ADD2: variants seen among roughly 807,000 people sequenced by gnomAD.
ADD2 encodes the protein adducin 2, also known as beta-adducin.
In ADD2, 23 loss-of-function variants were observed where a neutral mutation model predicts 83.0. The observed-to-expected ratio is 0.28, with a 90% CI of 0.20 to 0.39. ADD2 has a LOEUF of 0.39. Ranked by LOEUF, ADD2 falls within the 10% of genes least tolerant of loss-of-function variation. The pLI is 1.00. For missense variants in ADD2, 758 were observed against 944.9 expected (o/e 0.80, Z 2.59); for synonymous variants, 375 against 375.4 (o/e 1.00, Z 0.01).
intron 1 of ADD2, among the ~76,000 whole-genome samples, chr2:70,746,523 C>G (rs1363049255): frequency 6.6e-6 from 1 of 152,136 alleles, no homozygotes; most frequent in Non-Finnish European, 1.5e-5. Flanking sequence ...GATGAGGAAA[C>G]AGTAGGAGAG....
intron 1 of ADD2, among the ~76,000 whole-genome samples, chr2:70,751,428 T>C (rs1674502654): frequency 1.3e-5 from 2 of 152,188 alleles, no homozygotes; most frequent in South Asian, 4.1e-4. Flanking sequence ...AGTGTTACGT[T>C]TGGTGTTATG....
At chr2:70,760,328 T>G (rs1675018374) in intron 1 of ADD2, among the ~76,000 whole-genome samples, 1 of 152,182 alleles carries the variant, frequency 6.6e-6, no homozygotes, top group Non-Finnish European at 1.5e-5. Context: ...TGTCTAAAAC[T>G]GACCACTGTC....
Position 70,676,643 on chromosome 2 carries a change from G to T in ADD2, c.1593+153C>A. 1 of 1,481,876 alleles carries T rather than the reference G, an allele frequency of 6.7e-7. No individual in the cohort carries two copies. Among genetic ancestry groups the T allele is most frequent in the Non-Finnish European group, 9.0e-7 (1 of 1,108,100 alleles). 91.8% of individuals were successfully genotyped at this position (1,481,876 alleles called of 1,614,324 possible). On this transcript the variant is annotated intron_variant, in intron 13 of 15. Coordinates refer to ENST00000264436, the MANE Select transcript of ADD2 (RefSeq NM_001617.4). This position sits in a 1 kb window ranked among gnomAD's most constrained non-coding sequence, Gnocchi z 4.8. ...CTGGTCCTCACAGCACCCCTGTGAGGTTGGCCTCCATTTTGCAGCAAGAGC... is the reference window on the plus strand; with the variant it reads ...CTGGTCCTCACAGCACCCCTGTGAGTTTGGCCTCCATTTTGCAGCAAGAGC...
At chr2:70,700,406 A>G (rs1202969743) in intron 4 of ADD2, among the ~76,000 whole-genome samples, 7 of 152,194 alleles carry the variant, frequency 4.6e-5, no homozygotes, top group Non-Finnish European at 7.4e-5. Flanking sequence ...GAAATTAACA[A>G]TAAAATAATT....
At chr2:70,677,990 C>T (rs1041485663) in intron 11 of ADD2, 113 bp from the exon 12 acceptor site, 5 of 1,414,180 alleles carry the variant, frequency 3.5e-6, no homozygotes, top group Non-Finnish European at 2.9e-6. Flanking sequence ...GTCAGCAAGC[C>T]TACTCATAGA....
Position 70,683,654 on chromosome 2 carries a change from A to G in ADD2, c.1062T>C (p.Pro354=), listed in dbSNP as rs1287305473. Residue 354 remains proline (P), a synonymous_variant, in exon 10 of 16, where the codon CCT becomes CCC. Coordinates refer to ENST00000264436, the MANE Select transcript of ADD2 (RefSeq NM_001617.4). Reference sequence around the variant, plus strand: ...GCTCCCCCAGCCGACTCTTCTGCATAGGCCCAAAGGTGCTCCCGGCCCACT... The same window carrying G: ...GCTCCCCCAGCCGACTCTTCTGCATGGGCCCAAAGGTGCTCCCGGCCCACT... ...SVQWAGSTFG[P]MQKSRLGEHE... 6.2e-7 allele frequency: 1 copy of G among 1,613,998 alleles called. No homozygotes were observed. Among genetic ancestry groups the G allele is most frequent in the Non-Finnish European group, 8.5e-7 (1 of 1,179,994 alleles).
At chr2:70,716,845 G>A (rs1337117216) in intron 1 of ADD2, among the ~76,000 whole-genome samples, 4 of 152,212 alleles carry the variant, frequency 2.6e-5, no homozygotes, top group Non-Finnish European at 5.9e-5. Context: ...ATATAACTGA[G>A]TGGCTGGCCC....
chr2:70,714,639 T>C (rs560041709), intron 1 of ADD2, among the ~76,000 whole-genome samples: 1 of 152,242 alleles, frequency 6.6e-6, no homozygotes, highest in Non-Finnish European at 1.5e-5. Context: ...CCAGAGGTTC[T>C]ATTTTTAGCT....
intron 1 of ADD2, among the ~76,000 whole-genome samples, chr2:70,759,735 G>A (rs1029619542): frequency 6.6e-6 from 1 of 152,140 alleles, no homozygotes; most frequent in Non-Finnish European, 1.5e-5. Flanking sequence ...TCCACAAGCT[G>A]CCCAGTCTTC....
rs141802703 is a variant in ADD2, at chr2:70,686,622, T to C, written c.948+1402A>G. ...TGAAGAATCTTCTCCAGAAGGAAGA[T>C]AGGGAGCTCTTAAGAGTTCAGATGT... On this transcript the variant is annotated intron_variant, in intron 9 of 15. Coordinates refer to ENST00000264436, the MANE Select transcript of ADD2 (RefSeq NM_001617.4). Among the ~76,000 whole-genome samples, 12 of 152,270 alleles carry C rather than the reference T, an allele frequency of 7.9e-5. No individual in the cohort carries two copies. In the East Asian group the frequency reaches 2.3e-3, roughly 29 times the overall value.
intron 1 of ADD2, chr2:70,767,564 G>T (rs1675468709): frequency 9.0e-7 from 1 of 1,105,102 alleles, no homozygotes; most frequent in Non-Finnish European, 1.1e-6. Context: ...GCGAGGCGAG[G>T]CTTGCCGCCC....
In ADD2 at chr2:70,672,936, G is replaced by A. The variant is rs1553367400; in HGVS notation, c.1812C>T (p.Ser604=). 6.2e-7 allele frequency: 1 copy of A among 1,613,746 alleles called. No individual in the cohort carries two copies. The highest frequency in any genetic ancestry group is 8.5e-7 in the Non-Finnish European group (1 of 1,179,936). The change falls in exon 15 of 16, where the codon AGC becomes AGT. Residue 604 remains serine (S), a synonymous_variant. Transcript: ENST00000264436. The part of the protein sequence containing the change: ...AKSAPASPVQ[S]PAKEAETKSP... ...TCTTTGTCTCTGCCTCCTTCGCTGGGCTCTGCACTGGAGAAGCAGGTGCAG... is the reference window on the plus strand; with the variant it reads ...TCTTTGTCTCTGCCTCCTTCGCTGGACTCTGCACTGGAGAAGCAGGTGCAG...
At chr2:70,740,039 A>G (rs1673801321) in intron 1 of ADD2, among the ~76,000 whole-genome samples, 1 of 152,230 alleles carries the variant, frequency 6.6e-6, no homozygotes, top group Non-Finnish European at 1.5e-5. Context: ...TAAAAAACTA[A>G]AATAGATAAT....
intron 15 of ADD2, among the ~76,000 whole-genome samples, chr2:70,665,597 C>T (rs1158325442): frequency 6.6e-6 from 1 of 152,150 alleles, no homozygotes; most frequent in Non-Finnish European, 1.5e-5. Context: ...CTGGACCTCT[C>T]ACTGTCATCC....
chr2:70,761,703 G>T lies in ADD2; in HGVS notation c.-154+6183C>A, dbSNP rs535921211. On this transcript the variant is annotated intron_variant, in intron 1 of 15. Coordinates refer to ENST00000264436, the MANE Select transcript of ADD2 (RefSeq NM_001617.4). ...TTTTTTTTTTTTGAGACAGAGTATC[G>T]TTCTGTTGCTCAGGCTGGAGTGCAG... Among the ~76,000 whole-genome samples the T allele has an allele frequency of 3.4e-5, 5 of 147,008 alleles. No individual in the cohort carries two copies. The South Asian group carries it at 6.5e-4, about 19-fold the overall frequency.
chr2:70,682,273 A>C (rs1191272263), intron 10 of ADD2, among the ~76,000 whole-genome samples: 2 of 152,356 alleles, frequency 1.3e-5, no homozygotes, highest in South Asian at 2.1e-4. Flanking sequence ...TCTCAGAAAG[A>C]GTTTAAATAA....
intron 6 of ADD2, among the ~76,000 whole-genome samples, chr2:70,694,925 A>T (rs1671234643): frequency 6.6e-6 from 1 of 151,684 alleles, no homozygotes; most frequent in Non-Finnish European, 1.5e-5. Context: ...CTGTGGTCCC[A>T]ACTCTGACTT....
At chr2:70,745,272 C>G (rs142335043) in intron 1 of ADD2, among the ~76,000 whole-genome samples, 2 of 151,770 alleles carry the variant, frequency 1.3e-5, no homozygotes, top group African/African-American at 4.8e-5. Flanking sequence ...GGCGACAGAG[C>G]GATACTCCGT....
Position 70,688,116 on chromosome 2 carries a change from C to T in ADD2, c.856G>A (p.Val286Met). The change falls in exon 9 of 16, where the codon GTG (valine) becomes ATG (methionine). Residue 286 changes from valine (V) to methionine (M), a missense_variant. Transcript: ENST00000264436. ...KCLGPTCKIL[V>M]LRNHGVVALG... ...GCAACCACTCCATGGTTTCTTAGCA[C>T]CAGGATCTGTAGAGAAATAAATAGT... 6.2e-7 allele frequency: 1 copy of T among 1,613,694 alleles called. No homozygotes were observed. The highest frequency in any genetic ancestry group is 8.5e-7 in the Non-Finnish European group (1 of 1,179,614).
Sources: gnomAD v4.1 joint callset for allele counts (sites outside exome capture counted in the v4.1 genomes callset) on GRCh38, gnomAD v4.1.1 for gene constraint, Gnocchi (gnomAD v3.1) non-coding constraint, MANE v1.5 for transcripts, NCBI Gene and HGNC (gene_info 2026-07-23, HGNC 2026-07-21) for gene names.